CSMD1: variants seen among roughly 807,000 people sequenced by gnomAD.
CSMD1 encodes the protein CUB and Sushi multiple domains 1.
In CSMD1, 213 loss-of-function variants were observed where a neutral mutation model predicts 417.5. The ratio of observed to expected loss-of-function variants is 0.51; its 90% CI spans 0.46 to 0.57. CSMD1 has a LOEUF of 0.57. CSMD1 is among the 20% of genes least tolerant of loss of function. The pLI is 0.00. For synonymous variants in CSMD1, 2,862 were observed against 1,736.8 expected, an observed-to-expected ratio of 1.65 and a Z score of -16.11; for missense variants, 6,923 against 4,529.7, an observed-to-expected ratio of 1.53 and a Z score of -15.17.
intron 6 of CSMD1, among the ~76,000 whole-genome samples, chr8:3,730,549 G>C (rs1161755609): frequency 1.3e-5 from 2 of 152,046 alleles, no homozygotes; most frequent in Non-Finnish European, 2.9e-5. Context: ...GGAGAGGAAA[G>C]TGCTACCGCC....
At chr8:3,789,176 A>G (rs976044834) in intron 5 of CSMD1, among the ~76,000 whole-genome samples, 1 of 152,120 alleles carries the variant, frequency 6.6e-6, no homozygotes, top group African/African-American at 2.4e-5. Flanking sequence ...CCTTTCCACT[A>G]TGTGAGGATC....
At chr8:3,099,124 G>C (rs1585344795) in intron 46 of CSMD1, among the ~76,000 whole-genome samples, 1 of 151,524 alleles carries the variant, frequency 6.6e-6, no homozygotes, top group African/African-American at 2.4e-5. Context: ...ACATTTCTAA[G>C]CCTTATCCAA....
intron 11 of CSMD1, among the ~76,000 whole-genome samples, chr8:3,487,905 A>G (rs970555680): frequency 3.3e-5 from 5 of 152,100 alleles, no homozygotes; most frequent in Non-Finnish European, 7.4e-5. Flanking sequence ...CAACATTTTG[A>G]TATTAATGGT....
Position 4,994,396 on chromosome 8 carries a change from G to T in CSMD1, c.21C>A (p.Phe7Leu). Residue 7 changes from phenylalanine to leucine, a missense_variant, in exon 1 of 70, where the codon TTC becomes TTA. Coordinates refer to ENST00000635120, the MANE Select transcript of CSMD1 (RefSeq NM_033225.6). MTAWRR[F>L]QSLLLLLGLL... ...GCCCGAGAAGCAGGAGCAGCGACTG[G>T]AATCTCCTCCACGCAGTCATGTCTG... 2 of 1,612,332 alleles carry T rather than the reference G, an allele frequency of 1.2e-6. No individual in the cohort carries two copies. The highest frequency in any genetic ancestry group is 2.2e-5 in the South Asian group (2 of 91,080).
intron 1 of CSMD1, among the ~76,000 whole-genome samples, chr8:4,649,707 T>C (rs1384453047): frequency 2.0e-5 from 3 of 152,270 alleles, no homozygotes; most frequent in Non-Finnish European, 4.4e-5. Flanking sequence ...TTAAACGTTT[T>C]TGTGTATCTG....
Position 4,881,411 on chromosome 8 carries a change from ATATCTATCTATC to A in CSMD1, c.85+112909_85+112920del, listed in dbSNP as rs10659062. ...AGTTGAACAAATATACCTAGTATAC[ATATCTATCTATC>A]TATCTATCTATCTATCTATCTATCT... On this transcript the variant is annotated intron_variant, in intron 1 of 69. Coordinates refer to ENST00000635120, the MANE Select transcript of CSMD1 (RefSeq NM_033225.6). Among the ~76,000 whole-genome samples, 224 of 134,884 alleles carry A rather than the reference ATATCTATCTATC, an allele frequency of 1.7e-3. 1 individual carries two copies. Among genetic ancestry groups the A allele is most frequent in the African/African-American group, 3.1e-3 (116 of 37,072 alleles). The allele number at this position is 134,884 out of a possible 152,430, so 88.5% of individuals were successfully genotyped here.
intron 5 of CSMD1, among the ~76,000 whole-genome samples, chr8:3,810,153 A>G (rs1225355238): frequency 6.6e-6 from 1 of 152,122 alleles, no homozygotes; most frequent in Non-Finnish European, 1.5e-5. Flanking sequence ...ACTGACTATC[A>G]TAGTGCCAGG....
chr8:3,265,400 G>A (rs1801361309), intron 26 of CSMD1, among the ~76,000 whole-genome samples: 1 of 152,148 alleles, frequency 6.6e-6, no homozygotes, highest in Non-Finnish European at 1.5e-5. Flanking sequence ...TTGTGAAGGG[G>A]GGAGTGTAAG....
At chr8:4,666,799 T>C (rs1804965373) in intron 1 of CSMD1, among the ~76,000 whole-genome samples, 1 of 152,202 alleles carries the variant, frequency 6.6e-6, no homozygotes, top group Non-Finnish European at 1.5e-5. Context: ...TTCTGTAGTC[T>C]ATCTTTTCAT....
At chr8:4,302,868 G>A (rs992581753) in intron 3 of CSMD1, among the ~76,000 whole-genome samples, 2 of 152,034 alleles carry the variant, frequency 1.3e-5, no homozygotes, top group African/African-American at 4.8e-5. Flanking sequence ...AGGACCAGCA[G>A]TTTAAATGTT....
intron 2 of CSMD1, among the ~76,000 whole-genome samples, chr8:4,554,515 G>A (rs746894256): frequency 6.6e-6 from 1 of 152,150 alleles, no homozygotes; most frequent in African/African-American, 2.4e-5. Context: ...TTAATTTGTG[G>A]CTTTATAGAA....
rs561983550 is a variant in CSMD1, at chr8:3,213,643, C to A, written c.4867+854G>T. 8.1e-4 allele frequency among the ~76,000 whole-genome samples: 122 copies of A among 151,038 alleles called. 1 individual carries two copies. Among genetic ancestry groups the A allele is most frequent in the Middle Eastern group, 6.9e-3 (2 of 290 alleles). ...ATATATACATATTAGTTTTTTCTCT[C>A]TATATATATACAGATAAATAGGTGT... On this transcript the variant is annotated intron_variant, in intron 30 of 69. Transcript: ENST00000635120.
chr8:3,108,289 A>G (rs1415181738), intron 44 of CSMD1, among the ~76,000 whole-genome samples: 2 of 152,212 alleles, frequency 1.3e-5, no homozygotes, highest in South Asian at 2.1e-4. Context: ...GACATTTGCT[A>G]TAACACCTTA....
intron 8 of CSMD1, among the ~76,000 whole-genome samples, chr8:3,595,893 T>C (rs1229904338): frequency 6.6e-6 from 1 of 152,170 alleles, no homozygotes; most frequent in Non-Finnish European, 1.5e-5. Flanking sequence ...GCCAGGACTG[T>C]GGGGAATCAT....
chr8:4,789,804 T>G (rs1335123613), intron 1 of CSMD1, among the ~76,000 whole-genome samples: 4 of 152,230 alleles, frequency 2.6e-5, no homozygotes, highest in Admixed American at 2.0e-4. Flanking sequence ...AGATGCCATT[T>G]TGGTTCTTGC....
chr8:4,285,150 T>C (rs1326558843), intron 3 of CSMD1, among the ~76,000 whole-genome samples: 1 of 152,208 alleles, frequency 6.6e-6, no homozygotes, highest in Non-Finnish European at 1.5e-5. Context: ...ATTTTGGTTG[T>C]CCACAAGTTT....
intron 2 of CSMD1, among the ~76,000 whole-genome samples, chr8:4,421,039 C>T (rs1309446562): frequency 2.0e-5 from 3 of 152,048 alleles, no homozygotes; most frequent in Non-Finnish European, 4.4e-5. Context: ...AATTCAGTCC[C>T]CTTAAAGAGA....
chr8:3,488,416 G>A (rs898234371), intron 11 of CSMD1, among the ~76,000 whole-genome samples: 1 of 152,070 alleles, frequency 6.6e-6, no homozygotes, highest in Admixed American at 6.5e-5. Context: ...CCAATAACAT[G>A]TCTTTTGACC....
intron 3 of CSMD1, among the ~76,000 whole-genome samples, chr8:4,275,123 C>T (rs1224941103): frequency 3.3e-5 from 5 of 152,102 alleles, no homozygotes; most frequent in African/African-American, 1.2e-4. Flanking sequence ...ATAAAGATAA[C>T]CAATGATAGT....
Sources: allele counts gnomAD v4.1 joint callset (sites outside exome capture counted in the v4.1 genomes callset), GRCh38; gene constraint gnomAD v4.1.1; transcripts MANE v1.5; gene names NCBI Gene and HGNC (gene_info 2026-07-23, HGNC 2026-07-21).